The following OPCML variants were observed in gnomAD, a reference collection of about 807,000 sequenced individuals.
OPCML encodes the protein opioid-binding protein/cell adhesion molecule.
A neutral mutation model predicts 37.8 loss-of-function variants in OPCML; 13 were observed. The ratio of observed to expected loss-of-function variants is 0.34; its 90% CI spans 0.22 to 0.55. The LOEUF (loss-of-function observed/expected upper bound fraction) is 0.55, where lower values mean the gene tolerates loss of function less well. Among genes scored for constraint, OPCML ranks in the 20% least tolerant of loss-of-function variants. OPCML has a pLI of 0.91. For synonymous variants in OPCML, 176 were observed against 168.8 expected (o/e 1.04, Z -0.33); for missense variants, 341 against 435.6 (o/e 0.78, Z 1.93).
intron 2 of OPCML, among the ~76,000 whole-genome samples, chr11:132,745,156 C>T (rs985990689): frequency 2.6e-5 from 4 of 152,178 alleles, no homozygotes; most frequent in Non-Finnish European, 5.9e-5. Context: ...CTCCTACTTC[C>T]AGGGAGAGGA....
intron 3 of OPCML, among the ~76,000 whole-genome samples, chr11:132,569,148 C>G (rs1565672956): frequency 6.6e-6 from 1 of 152,172 alleles, no homozygotes; most frequent in Non-Finnish European, 1.5e-5. Context: ...TAAGTTCTAA[C>G]CCCCAGTGCC....
At chr11:133,379,220 T>G (rs1266744989) in intron 1 of OPCML, among the ~76,000 whole-genome samples, 1 of 152,224 alleles carries the variant, frequency 6.6e-6, no homozygotes, top group African/African-American at 2.4e-5. Context: ...CCATGTGCCT[T>G]CTAACTAGTC....
At chr11:132,742,757 T>C (rs1945475117) in intron 2 of OPCML, among the ~76,000 whole-genome samples, 1 of 148,584 alleles carries the variant, frequency 6.7e-6, no homozygotes, top group Admixed American at 6.8e-5. Context: ...ATTATATACT[T>C]ATACGTTATA....
intron 1 of OPCML, among the ~76,000 whole-genome samples, chr11:133,496,942 AGAG>A (rs1048299535): frequency 7.9e-5 from 12 of 152,120 alleles, no homozygotes; most frequent in African/African-American, 2.9e-4. Context: ...ACTATATTGA[AGAG>A]GAGTGGTGAG....
chr11:132,426,145 G>T (rs2136677149), intron 7 of OPCML, among the ~76,000 whole-genome samples: 2 of 152,276 alleles, frequency 1.3e-5, no homozygotes, highest in Non-Finnish European at 2.9e-5. Context: ...ACAACACAGT[G>T]ACAACAACAA....
intron 1 of OPCML, among the ~76,000 whole-genome samples, chr11:133,273,950 A>G (rs866301476): frequency 2.2e-4 from 33 of 152,378 alleles, no homozygotes; most frequent in Middle Eastern, 3.4e-3. Flanking sequence ...TTTCAAAAGC[A>G]CACAATAACA....
intron 1 of OPCML, among the ~76,000 whole-genome samples, chr11:133,292,459 G>C (rs1942507244): frequency 6.6e-6 from 1 of 151,738 alleles, no homozygotes; most frequent in Non-Finnish European, 1.5e-5. Context: ...ATATTATTTT[G>C]TTGTTTTCCC....
rs952054244 is a variant in OPCML at position 133,208,215 on chromosome 11, T to C, written c.62-265205A>G. 2.0e-5 allele frequency among the ~76,000 whole-genome samples: 3 copies of C among 152,244 alleles called. No individual in the cohort carries two copies. Among genetic ancestry groups the C allele is most frequent in the South Asian group, 2.1e-4 (1 of 4,832 alleles). ...TTGCTCACCATTTATCTCAAGCATT[T>C]AGCTTATTGCTTAGCACATTGTATT... On this transcript the variant is annotated intron_variant, in intron 1 of 7. Coordinates refer to ENST00000524381, the MANE Select transcript of OPCML (RefSeq NM_001012393.5). The surrounding 1 kb of genome is among the most constrained non-coding windows in gnomAD (Gnocchi z 8.9).
chr11:132,534,423 T>C (rs2096334747), intron 3 of OPCML, among the ~76,000 whole-genome samples: 1 of 152,152 alleles, frequency 6.6e-6, no homozygotes, highest in African/African-American at 2.4e-5. Flanking sequence ...AGATGCTTAA[T>C]AAAAACTTGT....
intron 1 of OPCML, chr11:133,420,257 T>C: frequency 2.0e-6 from 2 of 985,398 alleles, no homozygotes; most frequent in Non-Finnish European, 2.4e-6. Context: ...GCAATACTGA[T>C]CACAGATCCA....
chr11:132,592,565 G>A (rs1591597323), intron 3 of OPCML, among the ~76,000 whole-genome samples: 1 of 152,220 alleles, frequency 6.6e-6, no homozygotes, highest in Non-Finnish European at 1.5e-5. Context: ...CTTGTTGGGT[G>A]GGTGACGGGG....
chr11:133,161,982 T>C (rs1243583418), intron 1 of OPCML, among the ~76,000 whole-genome samples: 2 of 142,054 alleles, frequency 1.4e-5, no homozygotes, highest in East Asian at 4.0e-4. Flanking sequence ...AGGCAGTCTC[T>C]GTCTTTTTTT....
intron 2 of OPCML, among the ~76,000 whole-genome samples, chr11:132,873,896 AT>A (rs1942911159): frequency 6.6e-6 from 1 of 152,236 alleles, no homozygotes; most frequent in Non-Finnish European, 1.5e-5. Flanking sequence ...TTAGTGTTGT[AT>A]ATCGGCTTAA....
chr11:133,233,908 C>T (rs1357020547), intron 1 of OPCML, among the ~76,000 whole-genome samples: 1 of 152,162 alleles, frequency 6.6e-6, no homozygotes, highest in Admixed American at 6.5e-5. Flanking sequence ...CACCCCCTGC[C>T]CAGACCAATT....
chr11:132,489,582 G>A (rs949809555), intron 4 of OPCML, among the ~76,000 whole-genome samples: 1 of 152,142 alleles, frequency 6.6e-6, no homozygotes, highest in Non-Finnish European at 1.5e-5. Flanking sequence ...TAAGACCTTA[G>A]GACAGCCGTG....
At chr11:133,105,721 C>A (rs1265284416) in intron 1 of OPCML, among the ~76,000 whole-genome samples, 1 of 152,196 alleles carries the variant, frequency 6.6e-6, no homozygotes, top group Admixed American at 6.5e-5. Context: ...TAGCTCATGC[C>A]TGCAATCCCA....
intron 1 of OPCML, among the ~76,000 whole-genome samples, chr11:133,277,092 C>T (rs1263883705): frequency 1.3e-5 from 2 of 152,168 alleles, no homozygotes; most frequent in African/African-American, 4.8e-5. Context: ...AGAATCCTCC[C>T]CTCCCTCTCC....
At chr11:133,358,077 C>T (rs1944332193) in intron 1 of OPCML, among the ~76,000 whole-genome samples, 1 of 152,206 alleles carries the variant, frequency 6.6e-6, no homozygotes, top group African/African-American at 2.4e-5. Context: ...GCAATATCGT[C>T]TTCATAGTTG....
intron 3 of OPCML, among the ~76,000 whole-genome samples, chr11:132,544,509 T>C (rs76948359): frequency 1.6e-3 from 245 of 152,326 alleles, no homozygotes; most frequent in African/African-American, 5.7e-3. Context: ...GCAAATCTTT[T>C]TGGAAAGCAG....
Sources: gnomAD v4.1 joint callset for allele counts (sites outside exome capture counted in the v4.1 genomes callset) on GRCh38, gnomAD v4.1.1 for gene constraint, Gnocchi (gnomAD v3.1) non-coding constraint, MANE v1.5 for transcripts, NCBI Gene and HGNC (gene_info 2026-07-23, HGNC 2026-07-21) for gene names.